The following XKR9 variants were observed in gnomAD, a reference collection of about 807,000 sequenced individuals.
XKR9 encodes XK-related protein 9.
Under a neutral mutation model 32.0 loss-of-function variants are expected in XKR9, and 32 were observed. That is an observed-to-expected ratio of 1.00 (90% CI 0.76 to 1.34). XKR9 has a LOEUF of 1.34. XKR9 is among the 40% of genes most tolerant of loss of function. The pLI is 0.00. For synonymous variants in XKR9, 168 were observed against 143.4 expected, an observed-to-expected ratio of 1.17 and a Z score of -1.22; for missense variants, 546 against 429.7, an observed-to-expected ratio of 1.27 and a Z score of -2.39.
At chr8:70,899,956 A>G in the XKR9 span, among the ~76,000 whole-genome samples, 20,629 of 152,194 alleles carry the variant, frequency 0.14, 1,891 homozygotes, top group African/African-American at 0.26. Flanking sequence ...TAATGATTCA[A>G]AAAAGATGTG....
the XKR9 span, among the ~76,000 whole-genome samples, chr8:71,055,998 GC>G: frequency 6.6e-6 from 1 of 152,106 alleles, no homozygotes; most frequent in Non-Finnish European, 1.5e-5. Context: ...TTCTAGGAGT[GC>G]ATTTGACACT....
chr8:70,759,220 C>A (rs1229047602), intron 2 of XKR9, among the ~76,000 whole-genome samples: 1 of 152,128 alleles, frequency 6.6e-6, no homozygotes, highest in Non-Finnish European at 1.5e-5. Context: ...AGAATGCAAG[C>A]TTTTAATCAT....
At chr8:70,952,675 T>C in the XKR9 span, among the ~76,000 whole-genome samples, 1 of 152,172 alleles carries the variant, frequency 6.6e-6, no homozygotes, top group Non-Finnish European at 1.5e-5. Context: ...GACAGGGTCA[T>C]GGAAGTTTGG....
At chr8:70,922,500 A>G in the XKR9 span, among the ~76,000 whole-genome samples, 4 of 152,266 alleles carry the variant, frequency 2.6e-5, no homozygotes, top group Non-Finnish European at 5.9e-5. Flanking sequence ...GAGAATGAAG[A>G]TATTTTATCA....
At chr8:70,670,587 A>C (rs1415994328) in intron 1 of XKR9, 1 of 151,950 alleles carries the variant, frequency 6.6e-6, no homozygotes, top group Non-Finnish European at 1.5e-5. Flanking sequence ...ATTTCTGATG[A>C]AGAAAACGAT....
At chr8:70,750,336 G>A (rs1445187578) in intron 2 of XKR9, among the ~76,000 whole-genome samples, 2 of 152,206 alleles carry the variant, frequency 1.3e-5, no homozygotes, top group Non-Finnish European at 2.9e-5. Context: ...AGTGAATGGA[G>A]TATATTTTTT....
chr8:70,751,148 A>T (rs971178401), intron 2 of XKR9, among the ~76,000 whole-genome samples: 2 of 152,092 alleles, frequency 1.3e-5, no homozygotes, highest in Non-Finnish European at 2.9e-5. Flanking sequence ...ATTATTTTTG[A>T]GATGGAATCT....
At chr8:71,030,144 C>T in the XKR9 span, among the ~76,000 whole-genome samples, 28 of 152,074 alleles carry the variant, frequency 1.8e-4, no homozygotes, top group African/African-American at 6.5e-4. Flanking sequence ...GTTGGCAGGA[C>T]AGATTGCATG....
At chr8:70,771,187 C>T (rs1807449343) in intron 2 of XKR9, among the ~76,000 whole-genome samples, 2 of 152,154 alleles carry the variant, frequency 1.3e-5, no homozygotes, top group African/African-American at 4.8e-5. Flanking sequence ...ACCCCTTGTG[C>T]TTCCCTAGTG....
At chr8:70,868,339 C>T in the XKR9 span, among the ~76,000 whole-genome samples, 1 of 152,134 alleles carries the variant, frequency 6.6e-6, no homozygotes, top group South Asian at 2.1e-4. Context: ...GGCCCCACTC[C>T]TGCAACAAAC....
At chr8:70,844,873 A>G in the XKR9 span, among the ~76,000 whole-genome samples, 2 of 152,344 alleles carry the variant, frequency 1.3e-5, no homozygotes, top group South Asian at 4.1e-4. Flanking sequence ...TGCTGCTGCC[A>G]TCACCCATGC....
intron 3 of XKR9, chr8:70,790,035 T>C (rs1807745075): frequency 6.6e-6 from 1 of 151,194 alleles, no homozygotes; most frequent in Admixed American, 6.6e-5. Flanking sequence ...CCAGTCACCT[T>C]TGACAATTGT....
chr8:70,895,962 C>T, the XKR9 span, among the ~76,000 whole-genome samples: 3 of 151,950 alleles, frequency 2.0e-5, no homozygotes, highest in Non-Finnish European at 4.4e-5. Context: ...GAGCTGAGAT[C>T]GCACCACTGC....
chr8:70,890,227 A>G, the XKR9 span, among the ~76,000 whole-genome samples: 1 of 151,796 alleles, frequency 6.6e-6, no homozygotes, highest in Non-Finnish European at 1.5e-5. Flanking sequence ...AGAGTTTTCT[A>G]TATATAAGAT....
chr8:70,842,511 A>G, the XKR9 span, among the ~76,000 whole-genome samples: 20 of 150,988 alleles, frequency 1.3e-4, no homozygotes, highest in East Asian at 3.9e-3. Context: ...GAGCCAATAA[A>G]TAACACAAAC....
chr8:70,893,792 A>G, the XKR9 span, among the ~76,000 whole-genome samples: 1 of 152,064 alleles, frequency 6.6e-6, no homozygotes, highest in Non-Finnish European at 1.5e-5. Context: ...GTCAGGTCTG[A>G]CATGGCCTAC....
the XKR9 span, among the ~76,000 whole-genome samples, chr8:71,008,679 T>G: frequency 6.6e-6 from 1 of 152,184 alleles, no homozygotes; most frequent in Admixed American, 6.5e-5. Flanking sequence ...CAGGCTGGAG[T>G]GCAGTGGTGC....
intron 2 of XKR9, among the ~76,000 whole-genome samples, chr8:70,783,885 A>G (rs1278817357): frequency 6.6e-6 from 1 of 152,138 alleles, no homozygotes; most frequent in Non-Finnish European, 1.5e-5. Context: ...ATTTTTGTAT[A>G]TGATTTGAGA....
chr8:70,820,540 G>A, the XKR9 span, among the ~76,000 whole-genome samples: 1 of 152,136 alleles, frequency 6.6e-6, no homozygotes, highest in African/African-American at 2.4e-5. Context: ...GCTTGTATTA[G>A]TTCATTTTCT....
Sources: gnomAD v4.1 joint callset for allele counts (sites outside exome capture counted in the v4.1 genomes callset) on GRCh38, gnomAD v4.1.1 for gene constraint, MANE v1.5 for transcripts, NCBI Gene and HGNC (gene_info 2026-07-23, HGNC 2026-07-21) for gene names.